PTGR2: variants seen among roughly 807,000 people sequenced by gnomAD.
The protein encoded by PTGR2 is 15-oxoprostaglandin 13-reductase.
PTGR2 carries 32 observed loss-of-function variants against 43.4 expected under a neutral mutation model. The ratio of observed to expected loss-of-function variants is 0.74; its 90% CI spans 0.56 to 0.99. The LOEUF is 0.99. PTGR2 is among the 50% of genes least tolerant of loss of function. PTGR2 has a pLI of 0.00. For missense variants in PTGR2, 373 were observed against 420.0 expected (o/e 0.89, Z 0.98); for synonymous variants, 106 against 139.2 (o/e 0.76, Z 1.68).
chr14:73,880,760 G>A (rs1192872630), intron 7 of PTGR2, among the ~76,000 whole-genome samples: 1 of 152,104 alleles, frequency 6.6e-6, no homozygotes, highest in Admixed American at 6.6e-5. Context: ...AAAATTCACG[G>A]TGCTATTAAC....
intron 3 of PTGR2, among the ~76,000 whole-genome samples, chr14:73,869,426 G>GTGGGAGGAT (rs2054673243): frequency 6.6e-6 from 1 of 151,740 alleles, no homozygotes; most frequent in African/African-American, 2.4e-5. Flanking sequence ...GGAGGCTGAG[G>GTGGGAGGAT]CGGGAGGATC....
At chr14:73,868,562 CAT>C (rs1275950828) in intron 3 of PTGR2, among the ~76,000 whole-genome samples, 2 of 152,070 alleles carry the variant, frequency 1.3e-5, no homozygotes, top group Non-Finnish European at 2.9e-5. Context: ...TCTTGCCATT[CAT>C]ATACAAACCA....
chr14:73,869,557 G>C (rs1470123214), intron 3 of PTGR2, among the ~76,000 whole-genome samples: 1 of 147,362 alleles, frequency 6.8e-6, no homozygotes, highest in Non-Finnish European at 1.5e-5. Flanking sequence ...CTGGGCAACA[G>C]AGTGAGACCG....
At position 73,866,893 on chromosome 14, in the gene PTGR2, A is replaced by T. The variant is rs190428372; in HGVS notation, c.156+6236A>T. 2.0e-4 allele frequency among the ~76,000 whole-genome samples: 30 copies of T among 152,090 alleles called. No homozygotes were observed. The East Asian group carries it at 4.8e-3, about 25-fold the overall frequency. On this transcript the variant is annotated intron_variant, in intron 3 of 9. Transcript: ENST00000555661. ...CACCTGAGGTCAGACGTTCAGGACC[A>T]GCCTGGCCAACGTGGTGAAACCCCG...
In PTGR2 at chr14:73,881,308, T is replaced by C. The variant is rs768826169; in HGVS notation, c.939+16T>C. On this transcript the variant is annotated intron_variant, in intron 8 of 9. Coordinates refer to ENST00000555661, the MANE Select transcript of PTGR2 (RefSeq NM_001146154.2). ...AAAGCTAAAGGTAGAACTTCTATTC[T>C]TTATCAATATAATTCTTCCTGCTAC... 7.0e-7 allele frequency: 1 copy of C among 1,436,646 alleles called. No homozygotes were observed. The highest frequency in any genetic ancestry group is 9.8e-7 in the Non-Finnish European group (1 of 1,020,954). 89.0% of individuals were successfully genotyped at this position (1,436,646 alleles called of 1,614,324 possible). A position where few individuals can be genotyped will look rare whatever the true frequency, so the allele number is the denominator to read the frequency against.
intron 3 of PTGR2, among the ~76,000 whole-genome samples, chr14:73,870,493 T>C (rs1333860543): frequency 6.6e-6 from 1 of 152,116 alleles, no homozygotes; most frequent in East Asian, 1.9e-4. Context: ...TAAGCAGCTT[T>C]AAAAGGGAAA....
intron 3 of PTGR2, among the ~76,000 whole-genome samples, chr14:73,869,700 C>A (rs749687197): frequency 6.6e-6 from 1 of 151,972 alleles, no homozygotes; most frequent in African/African-American, 2.4e-5. Flanking sequence ...GGGATACTTT[C>A]ACTAGACATT....
intron 1 of PTGR2, among the ~76,000 whole-genome samples, chr14:73,854,314 C>T (rs763434638): frequency 6.6e-6 from 1 of 151,978 alleles, no homozygotes; most frequent in Non-Finnish European, 1.5e-5. Flanking sequence ...GTTGGCCAGG[C>T]TGGTCTCAAA....
chr14:73,862,683 G>A (rs897802767), intron 3 of PTGR2, among the ~76,000 whole-genome samples: 1 of 152,140 alleles, frequency 6.6e-6, no homozygotes, highest in East Asian at 1.9e-4. Context: ...ACTGCGGCAA[G>A]CTGAGTGAAG....
chr14:73,879,013 C>A, intron 5 of PTGR2, 83 bp from the exon 6 acceptor site: 2 of 1,107,488 alleles, frequency 1.8e-6, no homozygotes, highest in Non-Finnish European at 2.7e-6. Flanking sequence ...CTGTCATATA[C>A]CTGTAATATC....
chr14:73,877,729 A>C (rs997853185), intron 5 of PTGR2: 1 of 152,066 alleles, frequency 6.6e-6, no homozygotes, highest in African/African-American at 2.4e-5. Context: ...CTTTGCTTTC[A>C]TTATTATAAG....
chr14:73,883,103 G>C (rs143836902), intron 9 of PTGR2, among the ~76,000 whole-genome samples: 49 of 150,046 alleles, frequency 3.3e-4, no homozygotes, highest in African/African-American at 1.2e-3. Context: ...TTACAGGCGT[G>C]AGCCACCGCA....
chr14:73,882,261 G>T, intron 8 of PTGR2, 138 bp from the exon 9 acceptor site: 2 of 621,594 alleles, frequency 3.2e-6, no homozygotes, highest in Non-Finnish European at 2.9e-6. Flanking sequence ...AGCTTTTCTG[G>T]GCTACCTACA....
chr14:73,859,904 A>AGT (rs1260609363), intron 2 of PTGR2, among the ~76,000 whole-genome samples: 1 of 149,672 alleles, frequency 6.7e-6, no homozygotes, highest in Non-Finnish European at 1.5e-5. Context: ...TCTGTCATGC[A>AGT]GTGGCACAAT....
At chr14:73,862,555 G>T (rs1033632823) in intron 3 of PTGR2, among the ~76,000 whole-genome samples, 4 of 152,094 alleles carry the variant, frequency 2.6e-5, no homozygotes, top group African/African-American at 9.7e-5. Context: ...TATAAAGTAG[G>T]AAGTGAAAGA....
chr14:73,878,672 C>A, intron 5 of PTGR2: 16 of 413,178 alleles, frequency 3.9e-5, no homozygotes, highest in East Asian at 1.5e-4. Context: ...TTGACAATGA[C>A]CATAAGGGTA....
intron 9 of PTGR2, 103 bp from the exon 10 acceptor site, chr14:73,883,998 C>A: frequency 2.8e-6 from 2 of 726,142 alleles, no homozygotes; most frequent in South Asian, 1.7e-5. Flanking sequence ...TATTCAAAAT[C>A]ATTGAAAAAG....
chr14:73,871,341 C>CTTTTTTTTTTTTTTTTTTTTTT (rs869073652), intron 3 of PTGR2, among the ~76,000 whole-genome samples: 32 of 67,856 alleles, frequency 4.7e-4, no homozygotes, highest in Non-Finnish European at 6.1e-4. Flanking sequence ...GGCTGTTCAT[C>CTTTTTTTTTTTTTTTTTTTTTT]TTTTTTTTTT....
chr14:73,872,834 G>C (rs777164864), intron 3 of PTGR2, among the ~76,000 whole-genome samples: 1 of 151,920 alleles, frequency 6.6e-6, no homozygotes, highest in Non-Finnish European at 1.5e-5. Flanking sequence ...AAAATTAGCC[G>C]GGTGTGGTGG....
Sources: gnomAD v4.1 joint callset for allele counts (sites outside exome capture counted in the v4.1 genomes callset) on GRCh38, gnomAD v4.1.1 for gene constraint, MANE v1.5 for transcripts, NCBI Gene and HGNC (gene_info 2026-07-23, HGNC 2026-07-21) for gene names.